The following CPS1 variants were observed in gnomAD, a reference collection of about 807,000 sequenced individuals.
CPS1 encodes the protein carbamoyl-phosphate synthase 1.
CPS1 carries 109 observed loss-of-function variants against 174.6 expected under a neutral mutation model. The ratio of observed to expected loss-of-function variants is 0.62; its 90% confidence interval spans 0.53 to 0.73. The LOEUF (loss-of-function observed/expected upper bound fraction) is 0.73, where lower values mean the gene tolerates loss of function less well. CPS1 is among the 30% of genes least tolerant of loss of function. The pLI, the probability that CPS1 is intolerant of heterozygous loss-of-function variation, is 0.00. For missense variants in CPS1, 1,689 were observed against 1,821.9 expected (o/e 0.93, Z 1.33); for synonymous variants, 637 against 632.0 (o/e 1.01, Z -0.12).
intron 34 of CPS1, chr2:210,673,602 G>A (rs1205122041): frequency 6.6e-6 from 1 of 152,146 alleles, no homozygotes; most frequent in Non-Finnish European, 1.5e-5. Context: ...GTGGGTAGAG[G>A]AACCCATGCT....
intron 31 of CPS1, among the ~76,000 whole-genome samples, chr2:210,659,247 G>A (rs762411171): frequency 1.4e-4 from 22 of 152,116 alleles, no homozygotes; most frequent in Non-Finnish European, 3.1e-4. Context: ...GTCTAAGATT[G>A]GAAAGCTGAA....
chr2:210,627,242 T>C (rs1473645432), intron 21 of CPS1, among the ~76,000 whole-genome samples: 1 of 152,142 alleles, frequency 6.6e-6, no homozygotes, highest in Non-Finnish European at 1.5e-5. Context: ...CTTTGAAAAA[T>C]GTAAACAGGA....
At chr2:210,567,467 C>T (rs974731660) in intron 1 of CPS1, among the ~76,000 whole-genome samples, 1 of 151,934 alleles carries the variant, frequency 6.6e-6, no homozygotes, top group Non-Finnish European at 1.5e-5. Context: ...TTAAAACAAA[C>T]AAATTTTTTG....
At chr2:210,598,857 A>C (rs374307034) in intron 13 of CPS1, among the ~76,000 whole-genome samples, 1 of 151,916 alleles carries the variant, frequency 6.6e-6, no homozygotes, top group African/African-American at 2.4e-5. Context: ...CATTGGACCA[A>C]ATGGATCTGA....
chr2:210,592,082 C>T lies in CPS1; in HGVS notation c.1086+113C>T, dbSNP rs114942404. 2,146 of 1,173,978 alleles carry T rather than the reference C, an allele frequency of 1.8e-3. 30 individuals are homozygous for T. The African/African-American group carries it at 0.03, about 16-fold the overall frequency. The allele number at this position is 1,173,978 out of a possible 1,614,324, so 72.7% of individuals were successfully genotyped here. On this transcript the variant is annotated intron_variant, in intron 10 of 37. Coordinates refer to ENST00000233072, the MANE Select transcript of CPS1 (RefSeq NM_001875.5). Reference sequence around the variant, plus strand: ...ATGAGATACATGTGATATTTTGATACATGCATATCATATGTAATGATCAAA... The same window carrying T: ...ATGAGATACATGTGATATTTTGATATATGCATATCATATGTAATGATCAAA...
chr2:210,544,868 A>C (rs991345823), intron 1 of CPS1, among the ~76,000 whole-genome samples: 1 of 151,900 alleles, frequency 6.6e-6, no homozygotes, highest in African/African-American at 2.4e-5. Context: ...TGACTTTGAG[A>C]ATTTCTTTAT....
At chr2:210,598,002 C>T (rs1698551139) in intron 13 of CPS1, among the ~76,000 whole-genome samples, 1 of 151,838 alleles carries the variant, frequency 6.6e-6, no homozygotes, top group Non-Finnish European at 1.5e-5. Context: ...GCTCTCAGTG[C>T]TTCCAGCAAG....
Position 210,600,757 on chromosome 2 carries a change from G to C in CPS1, c.1707+45G>C, listed in dbSNP as rs550438021. The C allele has an allele frequency of 1.2e-5, 19 of 1,592,410 alleles. No individual in the cohort carries two copies. In the South Asian group the frequency reaches 1.5e-4, roughly 13 times the overall value. The stretch of plus-strand genomic sequence containing the variant: ...GAAAAACAAGGGCATTATTTGTCTT[G>C]TGTTGTAGGGAGAATGATTTTTCAT... On this transcript the variant is annotated intron_variant, in intron 15 of 37. Transcript: ENST00000233072.
chr2:210,582,857 C>T, intron 6 of CPS1, 148 bp downstream of exon 6: 1 of 684,272 alleles, frequency 1.5e-6, no homozygotes, highest in East Asian at 2.7e-5. Context: ...CTAAAATACA[C>T]CTTACAAAAT....
intron 6 of CPS1, among the ~76,000 whole-genome samples, chr2:210,587,374 A>T (rs537110520): frequency 2.2e-4 from 34 of 151,994 alleles, no homozygotes; most frequent in Admixed American, 2.0e-3. Flanking sequence ...TCCTTTTATG[A>T]CTTTGGGGAG....
At chr2:210,594,475 A>G (rs1232446164) in intron 11 of CPS1, 33 bp from the exon 12 acceptor site, 8 of 1,456,304 alleles carry the variant, frequency 5.5e-6, no homozygotes, top group Non-Finnish European at 7.7e-6. Context: ...GGAATTTTGA[A>G]GCTTCTAACT....
chr2:210,554,206 T>C (rs1376853054), upstream of CPS1, among the ~76,000 whole-genome samples: 1 of 134,860 alleles, frequency 7.4e-6, no homozygotes, highest in Non-Finnish European at 1.6e-5. Flanking sequence ...TATATATGTA[T>C]GTATATATAT....
rs17552879 is a variant in CPS1 at position 210,477,778 on chromosome 2, G to A, written c.3+12G>A. On this transcript the variant is annotated intron_variant, in intron 1 of 38. Transcript: ENST00000430249. ...AGCCGAGGCCCATGGTGAGTCTTAA[G>A]CTGGATATCTCTCATGTTTTAAAAG... is the stretch of plus-strand genomic sequence containing the variant. 813,151 of 1,610,330 alleles carry A rather than the reference G, an allele frequency of 0.5. 209,952 individuals are homozygous for A. Among genetic ancestry groups the A allele is most frequent in the East Asian group, 0.6 (27,033 of 44,790 alleles).
intron 1 of CPS1, among the ~76,000 whole-genome samples, chr2:210,513,460 TATGAGAAG>T (rs1426226089): frequency 6.6e-6 from 1 of 150,504 alleles, no homozygotes; most frequent in Non-Finnish European, 1.5e-5. Flanking sequence ...TTTGCTGACA[TATGAGAAG>T]ACATACGTTG....
At chr2:210,659,297 A>G (rs1194198918) in intron 31 of CPS1, among the ~76,000 whole-genome samples, 2 of 152,076 alleles carry the variant, frequency 1.3e-5, no homozygotes, top group Non-Finnish European at 2.9e-5. Flanking sequence ...CATGGTGGAG[A>G]GTGGCAAGGG....
intron 14 of CPS1, 75 bp from the exon 15 acceptor site, chr2:210,600,480 T>G: frequency 1.4e-6 from 2 of 1,393,294 alleles, no homozygotes; most frequent in Admixed American, 1.7e-5. Flanking sequence ...AAAAAAGTAG[T>G]TGTATTCAGT....
intron 1 of CPS1, among the ~76,000 whole-genome samples, chr2:210,536,821 C>T (rs2106007576): frequency 6.6e-6 from 1 of 152,076 alleles, no homozygotes; most frequent in East Asian, 1.9e-4. Context: ...AGAGAAAGAG[C>T]GTAAGAATAA....
intron 5 of CPS1, among the ~76,000 whole-genome samples, chr2:210,581,497 T>C (rs1697921905): frequency 6.6e-6 from 1 of 152,180 alleles, no homozygotes; most frequent in African/African-American, 2.4e-5. Flanking sequence ...AGTAAGATCG[T>C]ATTTCATTCA....
rs905320576 is a variant in CPS1, at chr2:210,648,479, G to A, written c.3343G>A (p.Ala1115Thr). 4.3e-6 allele frequency: 7 copies of A among 1,612,016 alleles called. No homozygotes were observed. Among genetic ancestry groups the A allele is most frequent in the Admixed American group, 1.7e-5 (1 of 59,968 alleles). The change falls in exon 27 of 38, where the codon GCA becomes ACA. Residue 1115 changes from alanine to threonine, a missense_variant. Coordinates refer to ENST00000233072, the MANE Select transcript of CPS1 (RefSeq NM_001875.5). ...TGTTGTTTCTATTAATTAGAATGAA[G>A]CACTGGAATTTGCAAAGTCTGTGGA... is the stretch of plus-strand genomic sequence containing the variant. Reference protein sequence around the residue: ...PWKAVNTLNEALEFAKSVDYP... With the variant: ...PWKAVNTLNETLEFAKSVDYP...
Sources: gnomAD v4.1 joint callset for allele counts (sites outside exome capture counted in the v4.1 genomes callset) on GRCh38, gnomAD v4.1.1 for gene constraint, MANE v1.5 for transcripts, NCBI Gene and HGNC (gene_info 2026-07-23, HGNC 2026-07-21) for gene names.